Variants in BLOC1S5 observed in about 807,000 individuals in gnomAD.
BLOC1S5 encodes biogenesis of lysosome-related organelles complex 1 subunit 5.
Under a neutral mutation model 24.3 loss-of-function variants are expected in BLOC1S5, and 27 were observed. The ratio of observed to expected loss-of-function variants is 1.11; its 90% CI spans 0.82 to 1.53. The LOEUF is 1.53. Among genes scored for constraint, BLOC1S5 ranks in the 40% most tolerant of loss-of-function variants. The pLI is 0.00. For missense variants in BLOC1S5, 239 were observed against 229.4 expected, an observed-to-expected ratio of 1.04 and a Z score of -0.27; for synonymous variants, 84 against 74.5, an observed-to-expected ratio of 1.13 and a Z score of -0.66.
chr6:8,033,906 A>T (rs1231225549), intron 3 of BLOC1S5, among the ~76,000 whole-genome samples: 1 of 152,256 alleles, frequency 6.6e-6, no homozygotes, highest in Non-Finnish European at 1.5e-5. Flanking sequence ...CATCAAAGAA[A>T]TGCAAATCAA....
At chr6:8,050,010 T>C (rs1764052397) in intron 2 of BLOC1S5, among the ~76,000 whole-genome samples, 1 of 152,048 alleles carries the variant, frequency 6.6e-6, no homozygotes, top group Non-Finnish European at 1.5e-5. Flanking sequence ...CTGTGTCCGG[T>C]GGATGTATAT....
intron 2 of BLOC1S5, among the ~76,000 whole-genome samples, chr6:8,062,047 CAGAA>C (rs1380641592): frequency 2.6e-5 from 4 of 152,118 alleles, no homozygotes; most frequent in African/African-American, 4.8e-5. Flanking sequence ...GCAAACCTGT[CAGAA>C]AGAATCGACA....
In BLOC1S5 at chr6:8,056,763, T is replaced by C. The variant is rs527648567; in HGVS notation, c.195+5771A>G. 5.3e-5 allele frequency among the ~76,000 whole-genome samples: 8 copies of C among 152,324 alleles called. No homozygotes were observed. In the East Asian group the frequency reaches 1.5e-3, roughly 29 times the overall value. ...AGTCAAATTGAAGACATGTTCTCTA[T>C]GCATTTTTCTGGGGAAAAAAATTCT... On this transcript the variant is annotated intron_variant, in intron 2 of 4. Transcript: ENST00000397457.
intron 2 of BLOC1S5, among the ~76,000 whole-genome samples, chr6:8,053,830 T>C (rs913290735): frequency 6.6e-6 from 1 of 152,200 alleles, no homozygotes; most frequent in African/African-American, 2.4e-5. Flanking sequence ...TGTGTGGTCT[T>C]TGTTCTCTCT....
chr6:8,025,387 C>T (rs202221813), intron 4 of BLOC1S5, among the ~76,000 whole-genome samples: 59 of 152,350 alleles, frequency 3.9e-4, no homozygotes, highest in African/African-American at 1.4e-3. Flanking sequence ...CCCATCCTGA[C>T]ACAAACTTCC....
Position 8,062,540 on chromosome 6 carries a change from T to A in BLOC1S5, c.189A>T (p.Glu63Asp). 1 of 1,577,318 alleles carries A rather than the reference T, an allele frequency of 6.3e-7. No homozygotes were observed. The highest frequency in any genetic ancestry group is 8.7e-7 in the Non-Finnish European group (1 of 1,152,850). The change falls in exon 2 of 5, where the codon GAA becomes GAT. Residue 63 changes from glutamate (E) to aspartate (D), a missense_variant. Transcript: ENST00000397457. ...AATAAGTTTAAATACTCACTTCAAA[T>A]TCTTTTACAAAATAACGAGTTTCAC... ...IQGETRYFVK[E>D]FEEKRGLREM... is the part of the protein sequence containing the mutation.
At chr6:8,049,201 T>C (rs1764020286) in intron 2 of BLOC1S5, among the ~76,000 whole-genome samples, 1 of 151,580 alleles carries the variant, frequency 6.6e-6, no homozygotes, top group Admixed American at 6.6e-5. Flanking sequence ...TGAAACCCCA[T>C]CTCTACTAAA....
At chr6:8,042,184 G>A (rs116350561) in intron 2 of BLOC1S5, among the ~76,000 whole-genome samples, 151 of 152,194 alleles carry the variant, frequency 9.9e-4, no homozygotes, top group Non-Finnish European at 1.9e-3. Flanking sequence ...GGTCCAGATT[G>A]CCACATATTT....
intron 1 of BLOC1S5, among the ~76,000 whole-genome samples, chr6:8,064,026 G>T (rs527610911): frequency 1.3e-5 from 2 of 152,342 alleles, no homozygotes; most frequent in East Asian, 3.9e-4. Context: ...ACGGGGGCGG[G>T]CCTGATGGCT....
Position 8,015,800 on chromosome 6 carries a change from T to C in BLOC1S5, c.413A>G (p.Glu138Gly), listed in dbSNP as rs760564597. 3.7e-6 allele frequency: 6 copies of C among 1,613,532 alleles called. No homozygotes were observed. The Admixed American group carries it at 6.7e-5, about 18-fold the overall frequency. The change falls in exon 5 of 5, where the codon GAG becomes GGG. Residue 138 changes from glutamate (E) to glycine (G), a missense_variant. Transcript: ENST00000397457. ...KIHSDHLVAS[E>G]KQHMLQWDNF... ...GTCCCACTGGAGCATATGCTGTTTC[T>C]CACTAGCTACTAAGTGGTCACTATG...
chr6:8,044,556 C>A (rs563146423), intron 2 of BLOC1S5, among the ~76,000 whole-genome samples: 20 of 152,076 alleles, frequency 1.3e-4, no homozygotes, highest in African/African-American at 4.8e-4. Context: ...CAGAAGAAGA[C>A]AGGAAAATGT....
chr6:8,053,084 G>C (rs1188132034), intron 2 of BLOC1S5, among the ~76,000 whole-genome samples: 1 of 152,146 alleles, frequency 6.6e-6, no homozygotes, highest in Non-Finnish European at 1.5e-5. Context: ...TCAAGTAAAG[G>C]AAGAGTCGCA....
chr6:8,048,432 T>C (rs569317753), intron 2 of BLOC1S5, among the ~76,000 whole-genome samples: 3 of 152,324 alleles, frequency 2.0e-5, no homozygotes, highest in African/African-American at 7.2e-5. Context: ...AGGAAATATG[T>C]ATTTTTTTAA....
Position 8,013,584 on chromosome 6 carries a change from T to C in BLOC1S5, c.*2065A>G, listed in dbSNP as rs1458922427. On this transcript the variant is annotated 3_prime_UTR_variant, in exon 5 of 5. Coordinates refer to ENST00000397457, the MANE Select transcript of BLOC1S5 (RefSeq NM_201280.3). Reference sequence around the variant, plus strand: ...CAAACTTATAGGGTAAAGTATTTATTATTCACATGAGATGAACACAAACTA... The same window carrying C: ...CAAACTTATAGGGTAAAGTATTTATCATTCACATGAGATGAACACAAACTA... 1 of 152,234 alleles carries C rather than the reference T, an allele frequency of 6.6e-6. No homozygotes were observed. Among genetic ancestry groups the C allele is most frequent in the Non-Finnish European group, 1.5e-5 (1 of 68,032 alleles). The allele number at this position is 152,234 out of a possible 1,614,324, so 9.4% of individuals were successfully genotyped here.
chr6:8,047,514 AGTTT>A (rs1251484989), intron 2 of BLOC1S5, among the ~76,000 whole-genome samples: 3 of 152,166 alleles, frequency 2.0e-5, no homozygotes, highest in Non-Finnish European at 4.4e-5. Context: ...TTTATCCCCC[AGTTT>A]GTTTGAACCA....
At chr6:8,023,783 A>G (rs1031256719) in intron 4 of BLOC1S5, among the ~76,000 whole-genome samples, 1 of 152,198 alleles carries the variant, frequency 6.6e-6, no homozygotes, top group African/African-American at 2.4e-5. Context: ...TAGATGAGAA[A>G]TTAAACTTTA....
rs1762706314 is a variant in BLOC1S5, at chr6:8,015,634, T to C, written c.*15A>G. 1.9e-6 allele frequency: 3 copies of C among 1,606,044 alleles called. No individual in the cohort carries two copies. The highest frequency in any genetic ancestry group is 2.6e-6 in the Non-Finnish European group (3 of 1,175,956). On this transcript the variant is annotated 3_prime_UTR_variant, in exon 5 of 5. Coordinates refer to ENST00000397457, the MANE Select transcript of BLOC1S5 (RefSeq NM_201280.3). ...ACATCTTCTCATTAGTTTGTGATTG[T>C]TGTGGTTCAAGTTCTTAAAAGGTTG... is the stretch of plus-strand genomic sequence containing the variant.
intron 3 of BLOC1S5, among the ~76,000 whole-genome samples, chr6:8,040,422 T>C (rs1763637043): frequency 6.6e-6 from 1 of 152,248 alleles, no homozygotes; most frequent in Admixed American, 6.5e-5. Flanking sequence ...CACACAAACT[T>C]AGTCCTTTAA....
At chr6:8,062,680 T>C in intron 1 of BLOC1S5, 64 bp from the exon 2 acceptor site, 1 of 1,100,184 alleles carries the variant, frequency 9.1e-7, no homozygotes, top group Non-Finnish European at 1.3e-6. Context: ...TAGCTTGTTT[T>C]ACTCTCTCCC....
Sources: gnomAD v4.1 joint callset for allele counts (sites outside exome capture counted in the v4.1 genomes callset) on GRCh38, gnomAD v4.1.1 for gene constraint, MANE v1.5 for transcripts, NCBI Gene and HGNC (gene_info 2026-07-23, HGNC 2026-07-21) for gene names.